Variants in DLGAP1 observed in about 807,000 individuals in gnomAD.
The protein encoded by DLGAP1 is DLG associated protein 1.
In DLGAP1, 11 loss-of-function variants were observed where a neutral mutation model predicts 90.8. The ratio of observed to expected loss-of-function variants is 0.12; its 90% CI spans 0.08 to 0.20. DLGAP1 has a LOEUF of 0.20. Among genes scored for constraint, DLGAP1 ranks in the 10% least tolerant of loss-of-function variants. The probability of loss-of-function intolerance (pLI) is 1.00; values close to 1 mark genes in which losing one functional copy is unlikely to be tolerated. For synonymous variants in DLGAP1, 558 were observed against 540.7 expected (o/e 1.03, Z -0.44); for missense variants, 1,050 against 1,333.8 (o/e 0.79, Z 3.31).
rs540891383 is a variant in DLGAP1 at position 4,242,536 on chromosome 18, C to T, written c.-266-91249G>A. On this transcript the variant is annotated intron_variant, in intron 1 of 12. Coordinates refer to ENST00000315677, the MANE Select transcript of DLGAP1 (RefSeq NM_004746.4). Reference sequence around the variant, plus strand: ...ACTTCAAAAAAAGAGTCAGAACTTTCTTTGGGAAGTGGCAGAACAAAGGGA... The same window carrying T: ...ACTTCAAAAAAAGAGTCAGAACTTTTTTTGGGAAGTGGCAGAACAAAGGGA... Among the ~76,000 whole-genome samples the T allele has an allele frequency of 2.6e-5, 4 of 152,276 alleles. No homozygotes were observed. The East Asian group carries it at 7.7e-4, about 29-fold the overall frequency.
intron 1 of DLGAP1, among the ~76,000 whole-genome samples, chr18:4,187,641 G>A (rs1399459121): frequency 1.3e-5 from 2 of 152,052 alleles, no homozygotes; most frequent in Non-Finnish European, 2.9e-5. Context: ...CTATTTCTAT[G>A]CAAAGTTATC....
At chr18:4,012,602 G>A (rs1225718785) in intron 2 of DLGAP1, among the ~76,000 whole-genome samples, 2 of 152,226 alleles carry the variant, frequency 1.3e-5, no homozygotes, top group Non-Finnish European at 2.9e-5. Flanking sequence ...TGGTATTGCT[G>A]AGCAGCAGGC....
intron 3 of DLGAP1, among the ~76,000 whole-genome samples, chr18:3,919,227 C>G (rs1345062238): frequency 6.6e-6 from 1 of 152,194 alleles, no homozygotes; most frequent in Non-Finnish European, 1.5e-5. Flanking sequence ...ACTTCGAATC[C>G]TTACCTTTGT....
chr18:3,839,895 C>T (rs983207598), intron 4 of DLGAP1, among the ~76,000 whole-genome samples: 28 of 152,188 alleles, frequency 1.8e-4, no homozygotes, highest in Non-Finnish European at 1.0e-4. Context: ...CAGGACATTC[C>T]GCCATCTGCT....
chr18:4,310,617 G>C (rs2080375797), intron 1 of DLGAP1, among the ~76,000 whole-genome samples: 1 of 152,048 alleles, frequency 6.6e-6, no homozygotes, highest in Non-Finnish European at 1.5e-5. Flanking sequence ...TACATTTTCT[G>C]ACTCCAGGCT....
intron 2 of DLGAP1, among the ~76,000 whole-genome samples, chr18:4,095,672 G>C (rs145670416): frequency 0.01 from 1,596 of 152,110 alleles, 31 homozygotes; most frequent in South Asian, 0.043. Context: ...GCTGCATCAT[G>C]ATGGTGACAG....
intron 1 of DLGAP1, among the ~76,000 whole-genome samples, chr18:4,411,341 T>C (rs1194226371): frequency 1.3e-5 from 2 of 152,190 alleles, no homozygotes; most frequent in African/African-American, 2.4e-5. Context: ...TTATTAAAAC[T>C]TTTAATGGCA....
chr18:4,398,965 G>A (rs1384567852), intron 1 of DLGAP1, among the ~76,000 whole-genome samples: 1 of 152,152 alleles, frequency 6.6e-6, no homozygotes, highest in Non-Finnish European at 1.5e-5. Flanking sequence ...CCAAGTAGCT[G>A]GGACTACAAG....
intron 3 of DLGAP1, among the ~76,000 whole-genome samples, chr18:3,920,578 T>C (rs553731263): frequency 1.3e-5 from 2 of 152,026 alleles, no homozygotes; most frequent in Non-Finnish European, 2.9e-5. Flanking sequence ...TTTTCCCCAA[T>C]AGCTAGGAGG....
At chr18:4,337,105 C>G (rs1290544905) in intron 1 of DLGAP1, among the ~76,000 whole-genome samples, 1 of 144,306 alleles carries the variant, frequency 6.9e-6, no homozygotes, top group South Asian at 2.2e-4. Flanking sequence ...CAGAGTGAGA[C>G]TCCATCTTAA....
At chr18:3,910,142 T>C (rs2072000302) in intron 3 of DLGAP1, among the ~76,000 whole-genome samples, 1 of 150,498 alleles carries the variant, frequency 6.6e-6, no homozygotes, top group Non-Finnish European at 1.5e-5. Flanking sequence ...CTAGTATCCC[T>C]GGCTAATATT....
In DLGAP1 at chr18:4,162,193, A is replaced by G. The variant is rs182788471; in HGVS notation, c.-266-10906T>C. 8.2e-4 allele frequency among the ~76,000 whole-genome samples: 125 copies of G among 152,290 alleles called. 2 individuals carry two copies. The South Asian group carries it at 0.012, about 15-fold the overall frequency. On this transcript the variant is annotated intron_variant, in intron 1 of 12. Coordinates refer to ENST00000315677, the MANE Select transcript of DLGAP1 (RefSeq NM_004746.4). ...ACAAACTGTTATGGAAATAAGGATGATCCAAAGCGATAATGTCTCATAGGC... is the reference window on the plus strand; with the variant it reads ...ACAAACTGTTATGGAAATAAGGATGGTCCAAAGCGATAATGTCTCATAGGC...
In DLGAP1 at chr18:4,342,832, T is replaced by A. The variant is rs1326557315; in HGVS notation, c.-267+112174A>T. 6.6e-6 allele frequency among the ~76,000 whole-genome samples: 1 copy of A among 152,042 alleles called. No individual in the cohort carries two copies. The highest frequency in any genetic ancestry group is 1.5e-5 in the Non-Finnish European group (1 of 68,020). Reference sequence around the variant, plus strand: ...AATCTTTACAAATTTTTTGATTTAATTGTTTACAACAATTCATAGAGAACA... The same window carrying A: ...AATCTTTACAAATTTTTTGATTTAAATGTTTACAACAATTCATAGAGAACA... On this transcript the variant is annotated intron_variant, in intron 1 of 12. Coordinates refer to ENST00000315677, the MANE Select transcript of DLGAP1 (RefSeq NM_004746.4). This position sits in a 1 kb window ranked among gnomAD's most constrained non-coding sequence, Gnocchi z 5.8.
intron 4 of DLGAP1, among the ~76,000 whole-genome samples, chr18:3,830,188 A>C (rs543406033): frequency 6.2e-4 from 94 of 152,348 alleles, no homozygotes; most frequent in African/African-American, 2.1e-3. Flanking sequence ...TAAGGGCAAA[A>C]GAGTCATTCA....
rs571146154 is a variant in DLGAP1, at chr18:4,259,248, T to C, written c.-266-107961A>G. Among the ~76,000 whole-genome samples, 5 of 152,240 alleles carry C rather than the reference T, an allele frequency of 3.3e-5. No individual in the cohort carries two copies. In the East Asian group the frequency reaches 9.7e-4, roughly 29 times the overall value. On this transcript the variant is annotated intron_variant, in intron 1 of 12. Coordinates refer to ENST00000315677, the MANE Select transcript of DLGAP1 (RefSeq NM_004746.4). ...AATGGAGGGAAGAGAAGAAAGGGAA[T>C]CTGAGAAAGCCCCGGTGTCAGTAAG...
intron 2 of DLGAP1, among the ~76,000 whole-genome samples, chr18:4,061,305 T>C (rs1457589753): frequency 1.3e-5 from 2 of 152,104 alleles, no homozygotes; most frequent in African/African-American, 2.4e-5. Flanking sequence ...GTTTAGAGGG[T>C]TAAAGGATTG....
chr18:4,295,721 C>T (rs1489180056), intron 1 of DLGAP1, among the ~76,000 whole-genome samples: 3 of 152,116 alleles, frequency 2.0e-5, no homozygotes, highest in Non-Finnish European at 4.4e-5. Context: ...GAAGTGGACA[C>T]AAAAATAATA....
chr18:3,642,921 C>A (rs2058989679), intron 7 of DLGAP1, among the ~76,000 whole-genome samples: 2 of 152,238 alleles, frequency 1.3e-5, no homozygotes, highest in African/African-American at 4.8e-5. Context: ...TCGACACTTT[C>A]ACCCAACAAT....
intron 2 of DLGAP1, among the ~76,000 whole-genome samples, chr18:4,102,761 T>C (rs1270922948): frequency 2.6e-5 from 4 of 152,174 alleles, no homozygotes; most frequent in Non-Finnish European, 5.9e-5. Context: ...TTTTTTATTA[T>C]GTATAAATAT....
Sources: gnomAD v4.1 joint callset for allele counts (sites outside exome capture counted in the v4.1 genomes callset) on GRCh38, gnomAD v4.1.1 for gene constraint, Gnocchi (gnomAD v3.1) non-coding constraint, MANE v1.5 for transcripts, NCBI Gene and HGNC (gene_info 2026-07-23, HGNC 2026-07-21) for gene names.